CHD2: variants seen among roughly 807,000 people sequenced by gnomAD.
CHD2 encodes ATP-dependent chromatin remodeler CHD2.
A neutral mutation model predicts 243.9 loss-of-function variants in CHD2; 28 were observed. The ratio of observed to expected loss-of-function variants is 0.11; its 90% CI spans 0.09 to 0.16. The LOEUF (loss-of-function observed/expected upper bound fraction) is 0.16, where lower values mean the gene tolerates loss of function less well. CHD2 is among the 10% of genes least tolerant of loss of function. CHD2 has a pLI of 1.00. For missense variants in CHD2, 1,386 were observed against 2,209.8 expected (o/e 0.63, Z 7.47); for synonymous variants, 775 against 779.0 (o/e 0.99, Z 0.09).
At chr15:92,930,475 C>T (rs2053146091) in intron 5 of CHD2, among the ~76,000 whole-genome samples, 1 of 152,100 alleles carries the variant, frequency 6.6e-6, no homozygotes, top group Non-Finnish European at 1.5e-5. Context: ...CTCTGTTGCT[C>T]AGGCTGGAGT....
chr15:92,907,038 G>C lies in CHD2; in HGVS notation c.62+5739G>C, dbSNP rs185829733. Reference sequence around the variant, plus strand: ...GGATTGTATTTTTATTTTGTGATCAGTAATTCAGCACAATGCTGGAACACA... The same window carrying C: ...GGATTGTATTTTTATTTTGTGATCACTAATTCAGCACAATGCTGGAACACA... On this transcript the variant is annotated intron_variant, in intron 2 of 38. Coordinates refer to ENST00000394196, the MANE Select transcript of CHD2 (RefSeq NM_001271.4). Among the ~76,000 whole-genome samples the C allele has an allele frequency of 2.9e-3, 435 of 152,178 alleles. 1 individual carries two copies. Among genetic ancestry groups the C allele is most frequent in the African/African-American group, 9.8e-3 (409 of 41,536 alleles).
At chr15:92,908,833 C>T (rs2052671749) in intron 2 of CHD2, among the ~76,000 whole-genome samples, 1 of 152,144 alleles carries the variant, frequency 6.6e-6, no homozygotes. Flanking sequence ...AAAATGTATA[C>T]ACAGGCTGGG....
intron 24 of CHD2, among the ~76,000 whole-genome samples, chr15:92,982,515 C>T (rs1368493763): frequency 6.6e-6 from 1 of 152,096 alleles, no homozygotes; most frequent in East Asian, 1.9e-4. Flanking sequence ...GGGAGATTGG[C>T]TTGGGAGGCA....
At chr15:92,975,618 G>A (rs926454903) in intron 20 of CHD2, among the ~76,000 whole-genome samples, 2 of 151,978 alleles carry the variant, frequency 1.3e-5, no homozygotes, top group African/African-American at 4.8e-5. Context: ...ACAACCTGAA[G>A]TAGAAGTGTT....
chr15:92,978,532 GA>G lies in CHD2; in HGVS notation c.2727+150del. The G allele has an allele frequency of 4.9e-6, 4 of 824,260 alleles. No homozygotes were observed. The South Asian group carries it at 7.5e-5, about 15-fold the overall frequency. 51.1% of individuals were successfully genotyped at this position (824,260 alleles called of 1,614,324 possible). ...ATTTCTGTTTGTTAACTAGCACAGA[GA>G]TGTTGTCTTTGGGCCCAAGATGAAC... On this transcript the variant is annotated intron_variant, in intron 21 of 38. Coordinates refer to ENST00000394196, the MANE Select transcript of CHD2 (RefSeq NM_001271.4).
chr15:92,955,389 G>C (rs1475302990), intron 14 of CHD2, 34 bp from the exon 15 acceptor site: 2 of 1,354,808 alleles, frequency 1.5e-6, no homozygotes, highest in Non-Finnish European at 2.0e-6. Context: ...GGTAGAAGTA[G>C]AAATTATGTC....
At position 92,984,491 on chromosome 15, in the gene CHD2, C is replaced by T; in HGVS notation, c.3228C>T (p.Ser1076=). 6.2e-7 allele frequency: 1 copy of T among 1,609,178 alleles called. No homozygotes were observed. Among genetic ancestry groups the T allele is most frequent in the South Asian group, 1.1e-5 (1 of 90,238 alleles). The change falls in exon 25 of 39, where the codon TCC becomes TCT. Residue 1076 remains serine, a synonymous_variant. Coordinates refer to ENST00000394196, the MANE Select transcript of CHD2 (RefSeq NM_001271.4). The part of the protein sequence containing the change: ...EIYMLPRIRS[S]TKKAQTNDSD... ...ATATGCTGCCTCGAATTCGGAGTTC[C>T]ACTAAAAAGGTGATCAAGTGAGATG... is the stretch of plus-strand genomic sequence containing the variant.
At chr15:92,963,217 A>G (rs1030756607) in intron 16 of CHD2, among the ~76,000 whole-genome samples, 1 of 152,022 alleles carries the variant, frequency 6.6e-6, no homozygotes, top group African/African-American at 2.4e-5. Flanking sequence ...CTATTTTACT[A>G]TTTGTTTTCC....
At chr15:92,982,418 C>T (rs1408214455) in intron 24 of CHD2, among the ~76,000 whole-genome samples, 1 of 152,166 alleles carries the variant, frequency 6.6e-6, no homozygotes, top group Non-Finnish European at 1.5e-5. Flanking sequence ...TACAGCTTTG[C>T]CGTGGAGCCA....
chr15:92,927,215 G>A, intron 3 of CHD2, 29 bp from the exon 4 acceptor site: 1 of 1,501,468 alleles, frequency 6.7e-7, no homozygotes. Context: ...CAAGAAAAAA[G>A]ATTAATGCGT....
rs182909388 is a variant in CHD2, at chr15:92,968,825, A to G, written c.2189+1312A>G. 1.2e-3 allele frequency among the ~76,000 whole-genome samples: 178 copies of G among 152,354 alleles called. 1 individual carries two copies. Among genetic ancestry groups the G allele is most frequent in the African/African-American group, 4.0e-3 (165 of 41,580 alleles). The stretch of plus-strand genomic sequence containing the variant: ...TCTGTTGGAGTTAATATCCATATTC[A>G]TGCTCTAACAGTCCCATTTTTAGCT... On this transcript the variant is annotated intron_variant, in intron 17 of 38. Coordinates refer to ENST00000394196, the MANE Select transcript of CHD2 (RefSeq NM_001271.4).
chr15:92,968,594 A>C (rs767832707), intron 17 of CHD2, among the ~76,000 whole-genome samples: 19 of 152,224 alleles, frequency 1.2e-4, no homozygotes, highest in Non-Finnish European at 2.2e-4. Flanking sequence ...TTTATCACTC[A>C]CTTGTTTATT....
intron 26 of CHD2, among the ~76,000 whole-genome samples, chr15:92,987,854 A>C (rs1426562574): frequency 2.0e-5 from 3 of 151,426 alleles, no homozygotes; most frequent in Non-Finnish European, 2.9e-5. Context: ...TAAAAAAAAA[A>C]CTTTTTTTTT....
chr15:92,935,098 C>T (rs958041967), intron 5 of CHD2, among the ~76,000 whole-genome samples: 16 of 151,220 alleles, frequency 1.1e-4, no homozygotes, highest in Non-Finnish European at 1.6e-4. Flanking sequence ...TGCAGTGGCC[C>T]GATCTCGGCC....
intron 5 of CHD2, among the ~76,000 whole-genome samples, chr15:92,931,127 A>T (rs1464241575): frequency 6.6e-6 from 1 of 152,248 alleles, no homozygotes; most frequent in African/African-American, 2.4e-5. Context: ...ATGTGTGGTC[A>T]CATGCATTTC....
At chr15:92,919,102 C>T (rs994400731) in intron 2 of CHD2, among the ~76,000 whole-genome samples, 8 of 151,744 alleles carry the variant, frequency 5.3e-5, no homozygotes, top group African/African-American at 9.7e-5. Flanking sequence ...GTGTTCCACC[C>T]GCCTGGGCCT....
At chr15:92,921,302 G>A (rs1029134269) in intron 2 of CHD2, 1 of 152,312 alleles carries the variant, frequency 6.6e-6, no homozygotes, top group Non-Finnish European at 1.5e-5. Flanking sequence ...GTGGGGGTGA[G>A]GGAAGAAATG....
At position 92,904,547 on chromosome 15, in the gene CHD2, C is replaced by A. The variant is rs551246648; in HGVS notation, c.62+3248C>A. 1.5e-4 allele frequency: 146 copies of A among 1,003,108 alleles called. 1 individual carries two copies. In the South Asian group the frequency reaches 5.6e-3, roughly 38 times the overall value. 62.1% of individuals were successfully genotyped at this position (1,003,108 alleles called of 1,614,324 possible). A position where few individuals can be genotyped will look rare whatever the true frequency, so the allele number is the denominator to read the frequency against. On this transcript the variant is annotated intron_variant, in intron 2 of 38. Transcript: ENST00000394196. Reference sequence around the variant, plus strand: ...TCCGGTGGGCGGCTTCTTTCCTGGACGCGTTTGCTCCTGGCAGTCTTGTCC... The same window carrying A: ...TCCGGTGGGCGGCTTCTTTCCTGGAAGCGTTTGCTCCTGGCAGTCTTGTCC...
chr15:92,973,216 T>C (rs539798220), intron 19 of CHD2, among the ~76,000 whole-genome samples: 1 of 152,314 alleles, frequency 6.6e-6, no homozygotes, highest in East Asian at 1.9e-4. Context: ...TGGCTTCCCC[T>C]ATTTTCTGTG....
Sources: allele counts gnomAD v4.1 joint callset (sites outside exome capture counted in the v4.1 genomes callset), GRCh38; gene constraint gnomAD v4.1.1; transcripts MANE v1.5; gene names NCBI Gene and HGNC (gene_info 2026-07-23, HGNC 2026-07-21).